The following DIAPH2 variants were observed in gnomAD, a reference collection of about 807,000 sequenced individuals.
DIAPH2 encodes the protein protein diaphanous homolog 2.
In DIAPH2, 35 loss-of-function variants were observed where a neutral mutation model predicts 92.7. The observed-to-expected ratio is 0.38, with a 90% CI of 0.29 to 0.50. DIAPH2 has a LOEUF of 0.50. Ranked by LOEUF, DIAPH2 falls within the 20% of genes least tolerant of loss-of-function variation. DIAPH2 has a pLI of 0.94. For synonymous variants in DIAPH2, 301 were observed against 280.4 expected, an observed-to-expected ratio of 1.07 and a Z score of -0.73; for missense variants, 701 against 819.5, an observed-to-expected ratio of 0.86 and a Z score of 1.77.
chrX:97,460,774 A>T (rs1485878245), intron 26 of DIAPH2, among the ~76,000 whole-genome samples: 2 of 111,543 alleles, frequency 1.8e-5, no homozygotes, highest in Non-Finnish European at 3.8e-5. Context: ...GGTGGAGGGG[A>T]TAGCTCAGCA....
intron 4 of DIAPH2, among the ~76,000 whole-genome samples, chrX:96,829,524 C>T (rs983024270): frequency 1.8e-5 from 2 of 109,529 alleles, no homozygotes. Flanking sequence ...GATGGAGTCT[C>T]GCTCTGTCGC....
At chrX:97,161,016 T>C (rs2067366397) in intron 22 of DIAPH2, among the ~76,000 whole-genome samples, 1 of 108,546 alleles carries the variant, frequency 9.2e-6, no homozygotes, top group South Asian at 4.0e-4. Context: ...GCAAACCACA[T>C]TTTTCCCTTT....
intron 21 of DIAPH2, among the ~76,000 whole-genome samples, chrX:97,129,276 C>G (rs959435223): frequency 9.2e-6 from 1 of 108,180 alleles, no homozygotes; most frequent in Non-Finnish European, 1.9e-5. Context: ...AAGCAATTAT[C>G]CTGCCTCAGC....
intron 23 of DIAPH2, among the ~76,000 whole-genome samples, chrX:97,301,443 C>G (rs567261116): frequency 9.0e-6 from 1 of 111,463 alleles, no homozygotes; most frequent in South Asian, 3.7e-4. Context: ...TTCAAAATGG[C>G]TTGTAGCAAG....
intron 24 of DIAPH2, among the ~76,000 whole-genome samples, chrX:97,360,244 T>C (rs974615763): frequency 5.4e-5 from 6 of 111,676 alleles, no homozygotes; most frequent in African/African-American, 2.0e-4. Flanking sequence ...TATTATTTGT[T>C]CGTGCTCAAT....
chrX:96,988,022 A>G (rs777127862), intron 17 of DIAPH2, among the ~76,000 whole-genome samples: 2 of 110,483 alleles, frequency 1.8e-5, no homozygotes, highest in South Asian at 7.7e-4. Context: ...CAGTCTTTCC[A>G]GAAAGTATGG....
chrX:96,988,909 G>T (rs1488779751), intron 17 of DIAPH2, among the ~76,000 whole-genome samples: 1 of 111,220 alleles, frequency 9.0e-6, no homozygotes, highest in Admixed American at 9.6e-5. Flanking sequence ...AGTGAAGAGA[G>T]AATTTTATTC....
intron 17 of DIAPH2, among the ~76,000 whole-genome samples, chrX:97,063,481 T>A (rs1007524541): frequency 3.6e-5 from 4 of 111,909 alleles, no homozygotes; most frequent in African/African-American, 1.3e-4. Flanking sequence ...AACTAATTTT[T>A]TAATTTTATT....
chrX:97,018,421 T>C lies in DIAPH2; in HGVS notation c.2050+53214T>C, dbSNP rs993215947. 6.2e-5 allele frequency among the ~76,000 whole-genome samples: 7 copies of C among 112,536 alleles called. No homozygotes were observed. In the South Asian group the frequency reaches 2.2e-3, roughly 35 times the overall value. The stretch of plus-strand genomic sequence containing the variant: ...TCTTCATTTTTATTTTTATGAGAAG[T>C]ACTGCATTTGCTTTGCTGCTATTGC... On this transcript the variant is annotated intron_variant, in intron 17 of 26. Transcript: ENST00000324765.
intron 24 of DIAPH2, among the ~76,000 whole-genome samples, chrX:97,350,748 G>A (rs1184405317): frequency 3.6e-5 from 4 of 111,777 alleles, no homozygotes; most frequent in African/African-American, 1.3e-4. Flanking sequence ...CCTGTTAGTA[G>A]TCTGAGTCAC....
intron 16 of DIAPH2, among the ~76,000 whole-genome samples, chrX:96,962,428 T>TATACATATATATATACATATATACAC (rs1246472891): frequency 1.4e-5 from 1 of 71,704 alleles, no homozygotes; most frequent in South Asian, 6.6e-4. Context: ...CACATATATA[T>TATACATATATATATACATATATACAC]ACATATATAT....
intron 26 of DIAPH2, among the ~76,000 whole-genome samples, chrX:97,563,782 A>G (rs2071309173): frequency 9.0e-6 from 1 of 110,840 alleles, no homozygotes; most frequent in Admixed American, 9.6e-5. Flanking sequence ...TTGCCTTCTC[A>G]GTTTCAAACT....
chrX:97,264,841 G>A (rs2068322259), intron 23 of DIAPH2, among the ~76,000 whole-genome samples: 1 of 111,270 alleles, frequency 9.0e-6, no homozygotes, highest in East Asian at 2.8e-4. Flanking sequence ...AAAATTAGCC[G>A]GGCATGGTGG....
chrX:96,963,165 C>T (rs974833354), intron 16 of DIAPH2, among the ~76,000 whole-genome samples: 2 of 111,061 alleles, frequency 1.8e-5, no homozygotes, highest in African/African-American at 6.6e-5. Context: ...ATATAGTGTC[C>T]CATTCTCTCT....
chrX:96,929,851 G>T (rs1443350898), intron 9 of DIAPH2, among the ~76,000 whole-genome samples: 1 of 110,150 alleles, frequency 9.1e-6, no homozygotes. Flanking sequence ...CATCTTTTCA[G>T]TTAAACAATT....
intron 25 of DIAPH2, among the ~76,000 whole-genome samples, chrX:97,417,375 TACACAC>T (rs750360804): frequency 9.6e-5 from 10 of 103,810 alleles, no homozygotes; most frequent in African/African-American, 1.8e-4. Flanking sequence ...TGGTCACACA[TACACAC>T]ACACACACAC....
intron 14 of DIAPH2, among the ~76,000 whole-genome samples, chrX:96,948,707 A>G (rs763991633): frequency 1.3e-4 from 14 of 111,528 alleles, no homozygotes; most frequent in Non-Finnish European, 2.4e-4. Flanking sequence ...ATTTTTTTTC[A>G]GAAGTGAAAA....
rs892541051 is a variant in DIAPH2 at position 97,596,157 on chromosome X, T to TACAA, written c.3242-3092_3242-3089dup. 2.7e-5 allele frequency among the ~76,000 whole-genome samples: 3 copies of TACAA among 112,126 alleles called. No individual in the cohort carries two copies. In the Admixed American group the frequency reaches 2.8e-4, roughly 11 times the overall value. On this transcript the variant is annotated intron_variant, in intron 26 of 26. Transcript: ENST00000324765. ...TTATTGCTGCATTAAGGCTCATGTT[T>TACAA]ACAAACATTAGAATCCCTTAATGAA...
At chrX:96,921,456 C>T (rs1377295172) in intron 9 of DIAPH2, among the ~76,000 whole-genome samples, 3 of 111,612 alleles carry the variant, frequency 2.7e-5, no homozygotes, top group Non-Finnish European at 5.7e-5. Context: ...TCTTGTCTCT[C>T]TTTTTCATTT....
Sources: gnomAD v4.1 joint callset for allele counts (sites outside exome capture counted in the v4.1 genomes callset) on GRCh38, gnomAD v4.1.1 for gene constraint, MANE v1.5 for transcripts, NCBI Gene and HGNC (gene_info 2026-07-23, HGNC 2026-07-21) for gene names.